Variants in CLASP2 observed in about 807,000 individuals in gnomAD.
CLASP2 encodes the protein CLIP-associating protein 2.
Under a neutral mutation model 194.4 loss-of-function variants are expected in CLASP2, and 47 were observed. That is an observed-to-expected ratio of 0.24 (90% CI 0.19 to 0.31). CLASP2 has a LOEUF of 0.31. CLASP2 is among the 10% of genes least tolerant of loss of function. The probability of loss-of-function intolerance (pLI) is 1.00; values close to 1 mark genes in which losing one functional copy is unlikely to be tolerated. For synonymous variants in CLASP2, 619 were observed against 633.5 expected (o/e 0.98, Z 0.34); for missense variants, 1,445 against 1,823.6 (o/e 0.79, Z 3.78).
At chr3:33,519,049 T>C (rs1416498350) in intron 34 of CLASP2, among the ~76,000 whole-genome samples, 3 of 152,304 alleles carry the variant, frequency 2.0e-5, no homozygotes, top group South Asian at 4.1e-4. Context: ...AATGGGAAAA[T>C]AGCATCTGCC....
chr3:33,559,457 G>C, intron 28 of CLASP2, 72 bp from the exon 29 acceptor site: 2 of 799,738 alleles, frequency 2.5e-6, no homozygotes, highest in Non-Finnish European at 4.1e-6. Flanking sequence ...AAAAGACTAT[G>C]CTTAATACCA....
intron 27 of CLASP2, among the ~76,000 whole-genome samples, chr3:33,561,764 C>A (rs1212830717): frequency 1.3e-5 from 2 of 151,722 alleles, no homozygotes; most frequent in African/African-American, 4.8e-5. Flanking sequence ...GAAAAGTGAC[C>A]TTTATCAAGG....
intron 18 of CLASP2, among the ~76,000 whole-genome samples, chr3:33,602,206 G>T (rs1232274089): frequency 1.3e-5 from 2 of 151,960 alleles, no homozygotes. Context: ...TAGAGATAGG[G>T]TTTTGCCACT....
chr3:33,693,262 A>C (rs1485894284), intron 2 of CLASP2, among the ~76,000 whole-genome samples: 1 of 152,230 alleles, frequency 6.6e-6, no homozygotes, highest in East Asian at 1.9e-4. Flanking sequence ...AATGAATCTC[A>C]ATTTTCCTAA....
intron 6 of CLASP2, among the ~76,000 whole-genome samples, chr3:33,668,206 G>A (rs1276489125): frequency 1.3e-5 from 2 of 152,308 alleles, no homozygotes; most frequent in East Asian, 1.9e-4. Flanking sequence ...GTGACAGTGC[G>A]AGACTCCAAC....
At position 33,538,805 on chromosome 3, in the gene CLASP2, T is replaced by G. The variant is rs1037357574; in HGVS notation, c.3542A>C (p.Lys1181Thr). 6.3e-7 allele frequency: 1 copy of G among 1,587,594 alleles called. No individual in the cohort carries two copies. The highest frequency in any genetic ancestry group is 8.5e-7 in the Non-Finnish European group (1 of 1,169,636). Residue 1181 changes from lysine (K) to threonine (T), a missense_variant, in exon 33 of 39, where the codon AAA (lysine) becomes ACA (threonine). Physicochemically the swap from Lys to Thr is moderately conservative, Grantham distance 78. Transcript: ENST00000682230. ...MNEPLKRDSK[K>T]DDGDSMCGGP... ...AATACTTACTGAATCGCCATCATCT[T>G]TTTTAGAATCCCTTTTCAATGGCTC...
chr3:33,628,600 C>T (rs148966494), intron 9 of CLASP2, among the ~76,000 whole-genome samples: 2 of 152,150 alleles, frequency 1.3e-5, no homozygotes, highest in African/African-American at 4.8e-5. Context: ...ACTGGAAGAC[C>T]ATTATTCCAA....
Position 33,688,379 on chromosome 3 carries a change from G to C in CLASP2, c.379-11C>G. 6.5e-7 allele frequency: 1 copy of C among 1,547,696 alleles called. No homozygotes were observed. The highest frequency in any genetic ancestry group is 8.7e-7 in the Non-Finnish European group (1 of 1,146,736). On this transcript the variant is annotated splice_polypyrimidine_tract_variant and intron_variant, in intron 3 of 38. Transcript: ENST00000682230. ...CTGCTCCCAAATGTACTATTTGAAA[G>C]AAAAGTAAAAACGTATAACAAAAAA...
At chr3:33,628,253 T>C (rs960419717) in intron 9 of CLASP2, among the ~76,000 whole-genome samples, 12 of 152,226 alleles carry the variant, frequency 7.9e-5, no homozygotes, top group Middle Eastern at 3.4e-3. Context: ...AACACTGTTA[T>C]GTGGTTAAAG....
In CLASP2 at chr3:33,586,843, A is replaced by G. The variant is rs554032688; in HGVS notation, c.2069-1923T>C. 5.3e-5 allele frequency among the ~76,000 whole-genome samples: 8 copies of G among 152,222 alleles called. No homozygotes were observed. The South Asian group carries it at 1.7e-3, about 32-fold the overall frequency. On this transcript the variant is annotated intron_variant, in intron 21 of 38. Transcript: ENST00000682230. ...CATTTCCACAGAGACTCAAATGCCA[A>G]TGGGACAAGCACAGGATGTCAAAAA...
chr3:33,624,011 G>A (rs1414188800), intron 10 of CLASP2, among the ~76,000 whole-genome samples: 1 of 152,030 alleles, frequency 6.6e-6, no homozygotes, highest in Non-Finnish European at 1.5e-5. Context: ...AGTACTAGAA[G>A]GCCTAGCCAG....
At chr3:33,706,178 G>A (rs116179524) in intron 1 of CLASP2, among the ~76,000 whole-genome samples, 2,060 of 152,200 alleles carry the variant, frequency 0.014, 41 homozygotes, top group African/African-American at 0.047. Context: ...AGCCCGGGAC[G>A]TCAAGTCTGC....
intron 6 of CLASP2, chr3:33,683,337 G>C (rs570606144): frequency 6.6e-6 from 1 of 152,250 alleles, no homozygotes; most frequent in Non-Finnish European, 1.5e-5. Context: ...CATTTCAGCT[G>C]ACTGCAGTGG....
intron 23 of CLASP2, among the ~76,000 whole-genome samples, chr3:33,576,779 C>G (rs1022571397): frequency 1.3e-5 from 2 of 152,168 alleles, no homozygotes; most frequent in Admixed American, 1.3e-4. Flanking sequence ...CATTTGATAA[C>G]TGTTAAGTGT....
At position 33,718,006 on chromosome 3, in the gene CLASP2, T is replaced by G. The variant is rs1156814588; in HGVS notation, c.-4A>C. The G allele has an allele frequency of 1.7e-5, 25 of 1,464,924 alleles. No homozygotes were observed. The highest frequency in any genetic ancestry group is 2.2e-5 in the Non-Finnish European group (25 of 1,115,030). The allele number at this position is 1,464,924 out of a possible 1,614,324, so 90.7% of individuals were successfully genotyped here. A position where few individuals can be genotyped will look rare whatever the true frequency, so the allele number is the denominator to read the frequency against. ...ACTCCATGCTGCGGGGCTCCATGGC[T>G]GCGGCCGCCCGCCCGCCTGCCAGTC... is the stretch of plus-strand genomic sequence containing the variant. On this transcript the variant is annotated 5_prime_UTR_variant, in exon 1 of 39. Coordinates refer to ENST00000682230, the MANE Select transcript of CLASP2 (RefSeq NM_001365631.1).
intron 24 of CLASP2, chr3:33,574,415 G>T: frequency 9.5e-7 from 1 of 1,055,450 alleles, no homozygotes; most frequent in Non-Finnish European, 1.3e-6. Flanking sequence ...TTGTTAAATT[G>T]ATGAAAGAAA....
At chr3:33,522,360 T>C (rs1043623556) in intron 34 of CLASP2, among the ~76,000 whole-genome samples, 2 of 152,030 alleles carry the variant, frequency 1.3e-5, no homozygotes, top group African/African-American at 4.8e-5. Context: ...CTGAGGCTGA[T>C]CTTTGGCATA....
At chr3:33,552,116 AT>A (rs760891395) in intron 29 of CLASP2, among the ~76,000 whole-genome samples, 20,729 of 135,244 alleles carry the variant, frequency 0.15, 1,496 homozygotes, top group Admixed American at 0.28. Context: ...TGGGTTTATA[AT>A]TTTTTTTTTT....
intron 27 of CLASP2, among the ~76,000 whole-genome samples, chr3:33,565,715 G>A (rs535350179): frequency 6.6e-6 from 1 of 152,174 alleles, no homozygotes; most frequent in Admixed American, 6.5e-5. Context: ...AGGAGGCTGA[G>A]GCAGGAGAAC....
Sources: gnomAD v4.1 joint callset for allele counts (sites outside exome capture counted in the v4.1 genomes callset) on GRCh38, gnomAD v4.1.1 for gene constraint, MANE v1.5 for transcripts, NCBI Gene and HGNC (gene_info 2026-07-23, HGNC 2026-07-21) for gene names.